The following ARMC9 variants were observed in gnomAD, a reference collection of about 807,000 sequenced individuals.
ARMC9 encodes the protein armadillo repeat containing 9.
ARMC9 carries 94 observed loss-of-function variants against 107.0 expected under a neutral mutation model. That is an observed-to-expected ratio of 0.88 (90% CI 0.74 to 1.04). The LOEUF is 1.04. Among genes scored for constraint, ARMC9 ranks in the 50% least tolerant of loss-of-function variants. The probability of loss-of-function intolerance (pLI) is 0.00; values close to 1 mark genes in which losing one functional copy is unlikely to be tolerated. For missense variants in ARMC9, 942 were observed against 1,030.1 expected, an observed-to-expected ratio of 0.91 and a Z score of 1.17; for synonymous variants, 380 against 396.9, an observed-to-expected ratio of 0.96 and a Z score of 0.51.
rs996350743 is a variant in ARMC9 at position 231,314,663 on chromosome 2, A to C, written c.1774-17130A>C. Among the ~76,000 whole-genome samples the C allele has an allele frequency of 2.0e-5, 3 of 152,314 alleles. No homozygotes were observed. The South Asian group carries it at 6.2e-4, about 32-fold the overall frequency. On this transcript the variant is annotated intron_variant, in intron 19 of 24. Coordinates refer to ENST00000611582, the MANE Select transcript of ARMC9 (RefSeq NM_001352754.2). ...CTCTTCCCAGTTGTCACAACCAAAA[A>C]TGTTTCTAGACGTTGCTAAATGTCC...
rs537813860 is a variant in ARMC9, at chr2:231,359,245, C to A, written c.2132-1509C>A. 2.6e-5 allele frequency among the ~76,000 whole-genome samples: 4 copies of A among 152,166 alleles called. No individual in the cohort carries two copies. The South Asian group carries it at 6.2e-4, about 24-fold the overall frequency. On this transcript the variant is annotated intron_variant, in intron 22 of 24. Transcript: ENST00000611582. The stretch of plus-strand genomic sequence containing the variant: ...GGGATTACAGGCATGTGTTACCATA[C>A]CCGGCTAATTTTTGTATTTTTAGTA...
At chr2:231,251,981 A>G (rs982876458) in intron 9 of ARMC9, among the ~76,000 whole-genome samples, 1 of 152,164 alleles carries the variant, frequency 6.6e-6, no homozygotes, top group Admixed American at 6.6e-5. Context: ...TTCTACAGCC[A>G]TCTCCAGCTT....
intron 21 of ARMC9, among the ~76,000 whole-genome samples, chr2:231,350,253 T>G (rs1453476489): frequency 1.3e-5 from 2 of 151,836 alleles, no homozygotes; most frequent in Non-Finnish European, 2.9e-5. Context: ...CTTGAACTCC[T>G]TACCTCAGGC....
chr2:231,350,256 C>T (rs551809705), intron 21 of ARMC9, among the ~76,000 whole-genome samples: 2 of 151,852 alleles, frequency 1.3e-5, no homozygotes, highest in South Asian at 4.2e-4. Flanking sequence ...GAACTCCTTA[C>T]CTCAGGCGAT....
At chr2:231,262,551 T>C (rs1009595640) in intron 12 of ARMC9, among the ~76,000 whole-genome samples, 153 bp downstream of exon 12, 2 of 152,224 alleles carry the variant, frequency 1.3e-5, no homozygotes, top group African/African-American at 2.4e-5. Context: ...ATTGGCTTAC[T>C]TTTTGCTTCT....
chr2:231,298,795 A>G (rs1385476707), intron 19 of ARMC9, among the ~76,000 whole-genome samples: 3 of 152,144 alleles, frequency 2.0e-5, no homozygotes, highest in Admixed American at 6.6e-5. Flanking sequence ...TAGCTGGTTC[A>G]TGGTGGCGTG....
At chr2:231,243,896 G>T (rs1012101984) in intron 9 of ARMC9, among the ~76,000 whole-genome samples, 1 of 152,194 alleles carries the variant, frequency 6.6e-6, no homozygotes. Flanking sequence ...TAGGATTTAG[G>T]ATTTGGAAGG....
chr2:231,369,839 C>T (rs912253372), intron 23 of ARMC9, 114 bp from the exon 24 acceptor site: 4 of 1,120,722 alleles, frequency 3.6e-6, no homozygotes, highest in African/African-American at 1.6e-5. Context: ...GGTGATTTGT[C>T]CGCCTTGGCC....
chr2:231,347,592 A>G (rs2044866545), intron 21 of ARMC9, among the ~76,000 whole-genome samples: 1 of 152,174 alleles, frequency 6.6e-6, no homozygotes, highest in Admixed American at 6.5e-5. Flanking sequence ...AGACTACCAT[A>G]TGTGATGTAA....
At chr2:231,228,402 C>T (rs932259992) in intron 7 of ARMC9, among the ~76,000 whole-genome samples, 7 of 152,228 alleles carry the variant, frequency 4.6e-5, no homozygotes, top group South Asian at 2.1e-4. Flanking sequence ...GGCACTCACA[C>T]GCAGAGTGGT....
intron 12 of ARMC9, among the ~76,000 whole-genome samples, chr2:231,263,454 C>T (rs1401549547): frequency 3.9e-5 from 6 of 152,172 alleles, no homozygotes; most frequent in African/African-American, 7.2e-5. Flanking sequence ...GAATGGGGGT[C>T]GAAGCTGTCT....
At chr2:231,345,130 A>T in intron 21 of ARMC9, 40 bp downstream of exon 21, 1 of 1,604,116 alleles carries the variant, frequency 6.2e-7, no homozygotes, top group Non-Finnish European at 8.5e-7. Context: ...GACTTTCTTA[A>T]GCTTTGTTTT....
intron 21 of ARMC9, among the ~76,000 whole-genome samples, chr2:231,345,562 G>A (rs1028891319): frequency 3.9e-5 from 6 of 152,122 alleles, no homozygotes; most frequent in East Asian, 1.9e-4. Flanking sequence ...AGCCTTGCTC[G>A]TACCCCATTT....
intron 7 of ARMC9, among the ~76,000 whole-genome samples, chr2:231,231,733 G>A (rs2035241438): frequency 6.6e-6 from 1 of 151,390 alleles, no homozygotes; most frequent in South Asian, 2.1e-4. Flanking sequence ...TTGTCGCCCA[G>A]CATGGAGTGC....
intron 18 of ARMC9, among the ~76,000 whole-genome samples, chr2:231,291,661 C>T (rs1199814265): frequency 2.6e-5 from 4 of 151,686 alleles, no homozygotes; most frequent in African/African-American, 9.7e-5. Flanking sequence ...ACTAAAAATA[C>T]AAAAATTAGC....
chr2:231,304,767 G>A (rs2041953118), intron 19 of ARMC9, among the ~76,000 whole-genome samples: 1 of 152,142 alleles, frequency 6.6e-6, no homozygotes. Flanking sequence ...CATCAGAAAA[G>A]CCTTTAGGTA....
In ARMC9 at chr2:231,276,309, C is replaced by T. The variant is rs1401545894; in HGVS notation, c.1335-327C>T. Reference sequence around the variant, plus strand: ...TTTTTGAGACAGAGTCTTGCTCCATCGCCCAGGCTGGAGTGCAGTGGTACG... The same window carrying T: ...TTTTTGAGACAGAGTCTTGCTCCATTGCCCAGGCTGGAGTGCAGTGGTACG... On this transcript the variant is annotated intron_variant, in intron 14 of 24. Transcript: ENST00000611582. Among the ~76,000 whole-genome samples the T allele has an allele frequency of 4.0e-5, 6 of 151,062 alleles. No homozygotes were observed. In the East Asian group the frequency reaches 1.2e-3, roughly 29 times the overall value.
rs765438027 is a variant in ARMC9 at position 231,214,979 on chromosome 2, T to G, written c.326T>G (p.Leu109Trp). 4 of 1,614,144 alleles carry G rather than the reference T, an allele frequency of 2.5e-6. No individual in the cohort carries two copies. The South Asian group carries it at 4.4e-5, about 18-fold the overall frequency. ...CACATCCATTTTGCCATCTATCTTT[T>G]GAAGTACTCTGTGGGGAGACCGGTG... ...YLHIHFAIYL[L>W]KYSVGRPDKE... Residue 109 changes from leucine (L) to tryptophan (W), a missense_variant, in exon 4 of 25, where the codon TTG (leucine) becomes TGG (tryptophan). Physicochemically the swap from Leu to Trp is moderately conservative, Grantham distance 61 (BLOSUM62 -2). Coordinates refer to ENST00000611582, the MANE Select transcript of ARMC9 (RefSeq NM_001352754.2).
rs2125590894 is a variant in ARMC9 at position 231,355,919 on chromosome 2, T to A, written c.2116T>A (p.Cys706Ser). The change falls in exon 22 of 25, where the codon TGC (cysteine) becomes AGC (serine). Residue 706 changes from cysteine to serine, a missense_variant. Coordinates refer to ENST00000611582, the MANE Select transcript of ARMC9 (RefSeq NM_001352754.2). ...GGGCAAGCCCAGCACCCCGGAGTCCTGCGTCTCCTCTTCATGTAAGAATGT... is the reference window on the plus strand; with the variant it reads ...GGGCAAGCCCAGCACCCCGGAGTCCAGCGTCTCCTCTTCATGTAAGAATGT... ...REGKPSTPESCVSSSSAIIAK... is the reference protein window; with the variant it reads ...REGKPSTPESSVSSSSAIIAK... 1 of 1,535,814 alleles carries A rather than the reference T, an allele frequency of 6.5e-7. No individual in the cohort carries two copies. The highest frequency in any genetic ancestry group is 1.7e-4 in the Middle Eastern group (1 of 5,986).
Sources: gnomAD v4.1 joint callset for allele counts (sites outside exome capture counted in the v4.1 genomes callset) on GRCh38, gnomAD v4.1.1 for gene constraint, MANE v1.5 for transcripts, NCBI Gene and HGNC (gene_info 2026-07-23, HGNC 2026-07-21) for gene names.